RNF144A: variants seen among roughly 807,000 people sequenced by gnomAD.
RNF144A encodes the protein ring finger protein 144A.
In RNF144A, 11 loss-of-function variants were observed where a neutral mutation model predicts 38.7. That is an observed-to-expected ratio of 0.28 (90% confidence interval 0.18 to 0.47). The LOEUF is 0.47. RNF144A is among the 20% of genes least tolerant of loss of function. RNF144A has a pLI of 0.99. For synonymous variants in RNF144A, 149 were observed against 143.9 expected (o/e 1.04, Z -0.25); for missense variants, 316 against 377.2 (o/e 0.84, Z 1.34).
At chr2:6,932,300 TC>T (rs1461817125) in intron 1 of RNF144A, among the ~76,000 whole-genome samples, 1 of 152,238 alleles carries the variant, frequency 6.6e-6, no homozygotes, top group African/African-American at 2.4e-5. Context: ...ACATGAATCT[TC>T]CTATTTGAAG....
chr2:7,060,693 C>T (rs1673917081), intron 6 of RNF144A, among the ~76,000 whole-genome samples: 1 of 152,208 alleles, frequency 6.6e-6, no homozygotes. Context: ...AGATGCGTAG[C>T]ATTCCCTTAC....
Position 6,992,015 on chromosome 2 carries a change from C to G in RNF144A, c.-11-4901C>G, listed in dbSNP as rs559388602. ...TGGTGACATGGTAGACCTCCAAAGC[C>G]ACACTTACCCAGAAGAAATGGGAGT... On this transcript the variant is annotated intron_variant, in intron 2 of 8. Transcript: ENST00000320892. 2.6e-5 allele frequency among the ~76,000 whole-genome samples: 4 copies of G among 152,200 alleles called. No individual in the cohort carries two copies. In the East Asian group the frequency reaches 7.7e-4, roughly 29 times the overall value.
intron 1 of RNF144A, among the ~76,000 whole-genome samples, chr2:6,923,107 G>A (rs1323343235): frequency 6.6e-6 from 1 of 152,188 alleles, no homozygotes; most frequent in Non-Finnish European, 1.5e-5. Flanking sequence ...CCCTGCTACA[G>A]CCTCTTCAGT....
At chr2:7,016,711 C>G (rs769670928) in intron 5 of RNF144A, among the ~76,000 whole-genome samples, 2 of 151,788 alleles carry the variant, frequency 1.3e-5, no homozygotes, top group Non-Finnish European at 2.9e-5. Context: ...TGGATTATAG[C>G]CAGCACCTTG....
chr2:6,984,116 C>G (rs551380190), intron 2 of RNF144A, among the ~76,000 whole-genome samples: 1 of 152,136 alleles, frequency 6.6e-6, no homozygotes, highest in African/African-American at 2.4e-5. Context: ...CCAGCTCCCT[C>G]TCCCTGCCTC....
intron 2 of RNF144A, among the ~76,000 whole-genome samples, chr2:6,996,432 C>T (rs1331075625): frequency 6.6e-6 from 1 of 152,044 alleles, no homozygotes; most frequent in Non-Finnish European, 1.5e-5. Flanking sequence ...TGAGGGCAGA[C>T]ATGAAAGTTA....
intron 2 of RNF144A, among the ~76,000 whole-genome samples, chr2:6,953,513 A>G (rs1231399062): frequency 6.6e-6 from 1 of 152,222 alleles, no homozygotes; most frequent in African/African-American, 2.4e-5. Context: ...TTAGTTCTAC[A>G]TATTTTTAAA....
chr2:7,048,973 C>A (rs373261719), downstream of RNF144A, among the ~76,000 whole-genome samples: 5 of 152,114 alleles, frequency 3.3e-5, no homozygotes, highest in East Asian at 1.9e-4. Flanking sequence ...CCTCCTAGTC[C>A]CTCCTCCCCA....
intron 2 of RNF144A, among the ~76,000 whole-genome samples, chr2:6,970,772 C>G (rs1008397954): frequency 6.6e-6 from 1 of 152,182 alleles, no homozygotes; most frequent in African/African-American, 2.4e-5. Context: ...CAGTGACTTG[C>G]ACCTGCTTTC....
intron 2 of RNF144A, among the ~76,000 whole-genome samples, chr2:6,984,687 T>C (rs1329822757): frequency 6.6e-6 from 1 of 152,246 alleles, no homozygotes; most frequent in African/African-American, 2.4e-5. Context: ...TCATGTTTTA[T>C]TCATCTTAAC....
intron 7 of RNF144A, 71 bp from the exon 8 acceptor site, chr2:7,030,055 A>G (rs1487209902): frequency 1.9e-6 from 2 of 1,038,772 alleles, no homozygotes; most frequent in South Asian, 2.6e-5. Context: ...GAAATGCATC[A>G]ATGGCTGTGA....
chr2:7,048,665 C>T (rs1298941072), downstream of RNF144A, among the ~76,000 whole-genome samples: 1 of 152,154 alleles, frequency 6.6e-6, no homozygotes, highest in Admixed American at 6.5e-5. Flanking sequence ...GCATGGGGAC[C>T]TTTCTAAGCT....
intron 6 of RNF144A, among the ~76,000 whole-genome samples, chr2:7,022,988 G>A (rs1005779549): frequency 2.6e-5 from 4 of 152,142 alleles, no homozygotes; most frequent in Non-Finnish European, 5.9e-5. Context: ...TGAGTGCCTG[G>A]TACTTATGTG....
At chr2:6,993,862 C>T (rs1273406565) in intron 2 of RNF144A, among the ~76,000 whole-genome samples, 2 of 152,202 alleles carry the variant, frequency 1.3e-5, no homozygotes, top group Non-Finnish European at 2.9e-5. Flanking sequence ...ATAATGACTT[C>T]TACTTACCAA....
chr2:6,999,554 A>G (rs1372110842), intron 3 of RNF144A, among the ~76,000 whole-genome samples: 3 of 152,238 alleles, frequency 2.0e-5, no homozygotes, highest in Non-Finnish European at 4.4e-5. Flanking sequence ...CTTTATCTCA[A>G]GGAGTCCGGG....
Position 7,020,506 on chromosome 2 carries a change from C to T in RNF144A, c.335C>T (p.Pro112Leu), listed in dbSNP as rs898242207. The stretch of plus-strand genomic sequence containing the variant: ...TTTGATCCCTGTCGGACTTGGTGCC[C>T]GGCGTCCACCTGCCAAGCTGTGTGT... ...VLFDPCRTWC[P>L]ASTCQAVCQL... Residue 112 changes from proline to leucine, a missense_variant, in exon 6 of 9, where the codon CCG (proline) becomes CTG (leucine). Transcript: ENST00000320892. 6.8e-6 allele frequency: 11 copies of T among 1,613,728 alleles called. No homozygotes were observed. Among genetic ancestry groups the T allele is most frequent in the Non-Finnish European group, 9.3e-6 (11 of 1,179,990 alleles).
intron 2 of RNF144A, among the ~76,000 whole-genome samples, chr2:6,974,217 C>T (rs2103351671): frequency 6.6e-6 from 1 of 152,320 alleles, no homozygotes; most frequent in East Asian, 1.9e-4. Context: ...GCAGTTGTAG[C>T]ATGATTCTGC....
At chr2:7,057,653 C>T (rs1259098665) in intron 6 of RNF144A, among the ~76,000 whole-genome samples, 1 of 152,104 alleles carries the variant, frequency 6.6e-6, no homozygotes, top group Non-Finnish European at 1.5e-5. Context: ...AGAGAGGTTC[C>T]ATTCATCATG....
intron 2 of RNF144A, among the ~76,000 whole-genome samples, chr2:6,970,952 T>G (rs1340925633): frequency 1.3e-5 from 2 of 152,240 alleles, no homozygotes; most frequent in Non-Finnish European, 2.9e-5. Context: ...AAACTAAACT[T>G]TGAGAATATG....
Sources: gnomAD v4.1 joint callset for allele counts (sites outside exome capture counted in the v4.1 genomes callset) on GRCh38, gnomAD v4.1.1 for gene constraint, MANE v1.5 for transcripts, NCBI Gene and HGNC (gene_info 2026-07-23, HGNC 2026-07-21) for gene names.